ATOSA: variants seen among roughly 807,000 people sequenced by gnomAD.
ATOSA encodes atos homolog A, also known as atos homolog protein A.
chr15:52,672,332 C>A, the ATOSA span, among the ~76,000 whole-genome samples: 2 of 151,830 alleles, frequency 1.3e-5, no homozygotes, highest in Non-Finnish European at 2.9e-5. Context: ...CTGAGTGACA[C>A]AGTAAGACCC....
the ATOSA span, chr15:52,584,818 C>A: frequency 1.1e-5 from 18 of 1,613,570 alleles, no homozygotes; most frequent in Admixed American, 6.7e-5. Context: ...CTTCTCTTCA[C>A]TTCTTGTTTA....
the ATOSA span, among the ~76,000 whole-genome samples, chr15:52,665,386 A>C: frequency 6.6e-6 from 1 of 152,272 alleles, no homozygotes; most frequent in African/African-American, 2.4e-5. Context: ...GATACAAATC[A>C]GATAGTAATT....
chr15:52,648,314 C>A, the ATOSA span, among the ~76,000 whole-genome samples: 1 of 152,012 alleles, frequency 6.6e-6, no homozygotes, highest in Admixed American at 6.6e-5. Context: ...GCAATCCACC[C>A]AAAATTGTTT....
At chr15:52,706,645 C>A in the ATOSA span, among the ~76,000 whole-genome samples, 107,741 of 152,034 alleles carry the variant, frequency 0.71, 38,671 homozygotes, top group East Asian at 0.93. Flanking sequence ...GTTGAGCATC[C>A]AAATAAATAA....
At chr15:52,583,685 T>G in the ATOSA span, among the ~76,000 whole-genome samples, 1 of 152,114 alleles carries the variant, frequency 6.6e-6, no homozygotes, top group Non-Finnish European at 1.5e-5. Context: ...CGTGCCCGGC[T>G]ATACCATGTC....
At chr15:52,655,490 G>A in the ATOSA span, among the ~76,000 whole-genome samples, 1 of 152,104 alleles carries the variant, frequency 6.6e-6, no homozygotes, top group Non-Finnish European at 1.5e-5. Context: ...AAAGGAGGTC[G>A]AAAAGGACAC....
the ATOSA span, among the ~76,000 whole-genome samples, chr15:52,620,868 T>C: frequency 6.6e-6 from 1 of 152,100 alleles, no homozygotes; most frequent in African/African-American, 2.4e-5. Flanking sequence ...AGCCTGGAGG[T>C]TGAGGCTGCG....
chr15:52,655,987 C>T, the ATOSA span: 1 of 152,092 alleles, frequency 6.6e-6, no homozygotes, highest in Non-Finnish European at 1.5e-5. Flanking sequence ...ATCAGGTCTA[C>T]ATGATGTGAC....
the ATOSA span, among the ~76,000 whole-genome samples, chr15:52,652,335 A>G: frequency 2.6e-5 from 4 of 152,234 alleles, no homozygotes; most frequent in Non-Finnish European, 4.4e-5. Flanking sequence ...AATTTATTTC[A>G]GTTAGTGATG....
At chr15:52,640,209 C>T in the ATOSA span, among the ~76,000 whole-genome samples, 150,561 of 152,276 alleles carry the variant, frequency 0.99, 74,446 homozygotes, top group Middle Eastern at 1. Flanking sequence ...ACAATTACTA[C>T]TGTTAACTAA....
chr15:52,608,039 C>G, the ATOSA span, among the ~76,000 whole-genome samples: 19 of 152,082 alleles, frequency 1.2e-4, no homozygotes, highest in African/African-American at 4.3e-4. Flanking sequence ...TACCACCATG[C>G]CTGGCCAATT....
At chr15:52,581,758 T>C in the ATOSA span, 3 of 156,680 alleles carry the variant, frequency 1.9e-5, no homozygotes, top group African/African-American at 7.2e-5. Context: ...TGTGCATATA[T>C]TTGATTTCAA....
At chr15:52,611,481 G>A in the ATOSA span, 3 of 1,329,274 alleles carry the variant, frequency 2.3e-6, no homozygotes, top group East Asian at 7.2e-5. Context: ...TTACATAGAG[G>A]AATTCAAAGA....
the ATOSA span, chr15:52,593,781 A>G: frequency 5.3e-6 from 8 of 1,497,430 alleles, no homozygotes; most frequent in Non-Finnish European, 7.2e-6. Context: ...AAAAGCTAAC[A>G]CATTCATTTT....
chr15:52,656,429 C>T, the ATOSA span: 2 of 151,782 alleles, frequency 1.3e-5, no homozygotes, highest in Non-Finnish European at 2.9e-5. Flanking sequence ...TACAAATAAA[C>T]CAAATGGCCA....
the ATOSA span, among the ~76,000 whole-genome samples, chr15:52,636,118 A>G: frequency 8.5e-5 from 3 of 35,352 alleles, no homozygotes; most frequent in East Asian, 0.083. Context: ...AAAATAATAA[A>G]TTTAATAAAT....
chr15:52,584,674 GT>G, the ATOSA span: 1 of 1,351,288 alleles, frequency 7.4e-7, no homozygotes, highest in Non-Finnish European at 1.0e-6. Flanking sequence ...TAGAGTCACA[GT>G]TTAAAAAAAA....
the ATOSA span, among the ~76,000 whole-genome samples, chr15:52,627,787 T>C: frequency 1.3e-5 from 2 of 152,244 alleles, no homozygotes; most frequent in Non-Finnish European, 2.9e-5. Flanking sequence ...AGGACTGAAA[T>C]GATTACATTC....
At chr15:52,593,674 T>C in the ATOSA span, 1 of 1,559,382 alleles carries the variant, frequency 6.4e-7, no homozygotes, top group Non-Finnish European at 8.7e-7. Context: ...CACTTGCCCC[T>C]ACCTCGGCAG....
Sources: gnomAD v4.1 joint callset for allele counts (sites outside exome capture counted in the v4.1 genomes callset) on GRCh38, gnomAD v4.1.1 for gene constraint, MANE v1.5 for transcripts, NCBI Gene and HGNC (gene_info 2026-07-23, HGNC 2026-07-21) for gene names.